The following USP35 variants were observed in gnomAD, a reference collection of about 807,000 sequenced individuals.
USP35 encodes the protein ubiquitin carboxyl-terminal hydrolase 35.
Under a neutral mutation model 83.8 loss-of-function variants are expected in USP35, and 69 were observed. The observed-to-expected ratio is 0.82, with a 90% CI of 0.68 to 1.01. USP35 has a LOEUF of 1.01. Ranked by LOEUF, USP35 falls within the 50% of genes least tolerant of loss-of-function variation. The probability of loss-of-function intolerance (pLI) is 0.00; values close to 1 mark genes in which losing one functional copy is unlikely to be tolerated. For missense variants in USP35, 1,503 were observed against 1,362.5 expected, an observed-to-expected ratio of 1.10 and a Z score of -1.62; for synonymous variants, 714 against 589.5, an observed-to-expected ratio of 1.21 and a Z score of -3.06.
chr11:78,223,511 C>T, the USP35 span: 1 of 1,612,158 alleles, frequency 6.2e-7, no homozygotes, highest in South Asian at 1.1e-5. Context: ...GATGGGTAGC[C>T]AAGTGAGTCA....
chr11:78,213,252 A>C (rs576258991), intron 10 of USP35, among the ~76,000 whole-genome samples: 3 of 152,158 alleles, frequency 2.0e-5, no homozygotes, highest in Non-Finnish European at 4.4e-5. Context: ...AAGGATCGCC[A>C]TGAGGCTGAC....
chr11:78,215,543 A>AAGAC (rs1864080177), downstream of USP35: 1 of 152,616 alleles, frequency 6.6e-6, no homozygotes. Context: ...AAATGGTAAC[A>AAGAC]AGACAAGAAC....
Position 78,210,096 on chromosome 11 carries a change from C to T in USP35, c.2241C>T (p.Pro747=), listed in dbSNP as rs751903839. Residue 747 remains proline (P), a synonymous_variant, in exon 10 of 11, where the codon CCC becomes CCT. Coordinates refer to ENST00000529308, the MANE Select transcript of USP35 (RefSeq NM_020798.4). ...GAGTHPDAAI[P]SGERTCGSEG... is the part of the protein sequence containing the mutation. ...GGACCCACCCGGATGCTGCCATCCCCTCCGGGGAGCGGACATGTGGCTCTG... is the reference window on the plus strand; with the variant it reads ...GGACCCACCCGGATGCTGCCATCCCTTCCGGGGAGCGGACATGTGGCTCTG... The T allele has an allele frequency of 5.0e-6, 8 of 1,614,056 alleles. No homozygotes were observed. Among genetic ancestry groups the T allele is most frequent in the Middle Eastern group, 1.7e-4 (1 of 6,060 alleles).
At chr11:78,231,573 C>T in the USP35 span, among the ~76,000 whole-genome samples, 1 of 152,206 alleles carries the variant, frequency 6.6e-6, no homozygotes, top group Non-Finnish European at 1.5e-5. Flanking sequence ...TGGTCTCGAA[C>T]TCCTGACCTC....
At chr11:78,199,408 G>A in intron 3 of USP35, 187 bp from the exon 4 acceptor site, 1 of 809,570 alleles carries the variant, frequency 1.2e-6, no homozygotes. Context: ...TCAGTGTCTG[G>A]CAGGTGGCTG....
At position 78,199,637 on chromosome 11, in the gene USP35, C is replaced by T; in HGVS notation, c.849C>T (p.Asp283=). 1.2e-6 allele frequency: 2 copies of T among 1,614,160 alleles called. No individual in the cohort carries two copies. Among genetic ancestry groups the T allele is most frequent in the East Asian group, 2.2e-5 (1 of 44,880 alleles). ...WVSWPLGKNI[D]KWIIALLKGL... is the part of the protein sequence containing the mutation. The stretch of plus-strand genomic sequence containing the variant: ...CCTGGCCCCTGGGGAAGAATATTGA[C>T]AAGTGGATCATTGCACTGCTGAAGG... The change falls in exon 4 of 11, where the codon GAC becomes GAT. Residue 283 remains aspartate, a synonymous_variant. Transcript: ENST00000529308.
chr11:78,215,540 A>AACAAG (rs1219601573), downstream of USP35: 1 of 152,626 alleles, frequency 6.6e-6, no homozygotes, highest in African/African-American at 2.4e-5. Context: ...TTTAAATGGT[A>AACAAG]ACAAGACAAG....
At chr11:78,201,268 A>T (rs1863350903) in intron 6 of USP35, among the ~76,000 whole-genome samples, 1 of 152,038 alleles carries the variant, frequency 6.6e-6, no homozygotes, top group South Asian at 2.1e-4. Context: ...ACATGTTATC[A>T]CTGTCTGTCT....
At chr11:78,223,095 T>G in the USP35 span, among the ~76,000 whole-genome samples, 1 of 152,144 alleles carries the variant, frequency 6.6e-6, no homozygotes, top group East Asian at 1.9e-4. Flanking sequence ...TTTGAATCCT[T>G]GCCACTGATC....
At chr11:78,220,757 C>T in the USP35 span, among the ~76,000 whole-genome samples, 1 of 152,216 alleles carries the variant, frequency 6.6e-6, no homozygotes, top group African/African-American at 2.4e-5. Context: ...CAAACCTGTG[C>T]TAACCCCTGT....
chr11:78,220,278 C>A, the USP35 span: 2 of 1,609,474 alleles, frequency 1.2e-6, no homozygotes, highest in South Asian at 2.2e-5. Context: ...CCTCCGGGAC[C>A]CTGAGAGCTC....
At chr11:78,228,066 T>C in the USP35 span, among the ~76,000 whole-genome samples, 1 of 152,202 alleles carries the variant, frequency 6.6e-6, no homozygotes, top group South Asian at 2.1e-4. Flanking sequence ...AGACTTGTGT[T>C]AGGTTCCAGT....
chr11:78,189,219 A>G (rs1862926613), intron 1 of USP35, 62 bp downstream of exon 1: 1 of 153,056 alleles, frequency 6.5e-6, no homozygotes, highest in Non-Finnish European at 1.5e-5. Flanking sequence ...TGGCCTTTCG[A>G]GAACCCTGGA....
rs984849137 is a variant in USP35, at chr11:78,200,960, A to G, written c.1197+152A>G. On this transcript the variant is annotated intron_variant, in intron 6 of 10. Transcript: ENST00000529308. ...CCTCCCCAGGTCCATCATGTGCCTC[A>G]AGCACACTGAGCCACTCACGTTCCC... The G allele has an allele frequency of 5.2e-5, 62 of 1,182,868 alleles. No individual in the cohort carries two copies. The East Asian group carries it at 1.6e-3, about 31-fold the overall frequency. 73.3% of individuals were successfully genotyped at this position (1,182,868 alleles called of 1,614,324 possible). A position where few individuals can be genotyped will look rare whatever the true frequency, so the allele number is the denominator to read the frequency against.
intron 6 of USP35, among the ~76,000 whole-genome samples, chr11:78,202,052 G>A (rs1384218527): frequency 6.6e-6 from 1 of 152,202 alleles, no homozygotes; most frequent in African/African-American, 2.4e-5. Context: ...AAGTAAGGGG[G>A]AGTCCCCAGG....
chr11:78,197,976 G>C lies in USP35; in HGVS notation c.714G>C (p.Gln238His). 19 of 1,614,216 alleles carry C rather than the reference G, an allele frequency of 1.2e-5. No homozygotes were observed. The highest frequency in any genetic ancestry group is 1.4e-5 in the Non-Finnish European group (17 of 1,180,038). Residue 238 changes from glutamine (Q) to histidine (H), a missense_variant, in exon 3 of 11, where the codon CAG (glutamine) becomes CAC (histidine). Coordinates refer to ENST00000529308, the MANE Select transcript of USP35 (RefSeq NM_020798.4). ...CTAGCGCCCTGGCCAGCGTGGTCCAGCACCTCCCATTGGAGCTCATGGATG... is the reference window on the plus strand; with the variant it reads ...CTAGCGCCCTGGCCAGCGTGGTCCACCACCTCCCATTGGAGCTCATGGATG... The part of the protein sequence containing the change: ...PPSSALASVV[Q>H]HLPLELMDGV...
chr11:78,214,278 GTTT>G lies in USP35; in HGVS notation c.*466_*468del. On this transcript the variant is annotated 3_prime_UTR_variant, in exon 11 of 11. Transcript: ENST00000529308. ...TCTCCTCTGGCTGTCCTGTTTGTTT[GTTT>G]CTCATATGGGGGTGGGGGGTACCTG... 8.0e-6 allele frequency: 1 copy of G among 125,206 alleles called. No homozygotes were observed. The highest frequency in any genetic ancestry group is 3.3e-5 in the African/African-American group (1 of 30,462). The allele number at this position is 125,206 out of a possible 1,614,324, so 7.8% of individuals were successfully genotyped here.
Position 78,210,199 on chromosome 11 carries a change from T to C in USP35, c.2344T>C (p.Cys782Arg), listed in dbSNP as rs1279470251. The change falls in exon 10 of 11, where the codon TGC becomes CGC. Residue 782 changes from cysteine (C) to arginine (R), a missense_variant. Transcript: ENST00000529308. Reference protein sequence around the residue: ...EKLTAENRYYCESCASLQDAE... With the variant: ...EKLTAENRYYRESCASLQDAE... ...GCTGACAGCAGAAAACCGCTACTAC[T>C]GCGAGTCGTGTGCCTCCCTGCAGGA... is the stretch of plus-strand genomic sequence containing the variant. 1 of 1,613,998 alleles carries C rather than the reference T, an allele frequency of 6.2e-7. No individual in the cohort carries two copies. Among genetic ancestry groups the C allele is most frequent in the Middle Eastern group, 1.6e-4 (1 of 6,062 alleles).
chr11:78,223,606 C>CCTGG, the USP35 span: 1 of 1,613,590 alleles, frequency 6.2e-7, no homozygotes, highest in Non-Finnish European at 8.5e-7. Flanking sequence ...GGTGGAAGAA[C>CCTGG]CTGGATTCAT....
Sources: gnomAD v4.1 joint callset for allele counts (sites outside exome capture counted in the v4.1 genomes callset) on GRCh38, gnomAD v4.1.1 for gene constraint, MANE v1.5 for transcripts, NCBI Gene and HGNC (gene_info 2026-07-23, HGNC 2026-07-21) for gene names.